Variants in SIL1 observed in about 807,000 individuals in gnomAD.
SIL1 encodes SIL1 nucleotide exchange factor.
SIL1 carries 40 observed loss-of-function variants against 49.1 expected under a neutral mutation model. The ratio of observed to expected loss-of-function variants is 0.81; its 90% CI spans 0.63 to 1.06. The LOEUF is 1.06. Among genes scored for constraint, SIL1 ranks in the 50% least tolerant of loss-of-function variants. The pLI is 0.00. For missense variants in SIL1, 500 were observed against 572.6 expected (o/e 0.87, Z 1.29); for synonymous variants, 253 against 250.8 (o/e 1.01, Z -0.08).
At chr5:139,118,000 T>C (rs1053075649) in intron 3 of SIL1, among the ~76,000 whole-genome samples, 3 of 152,156 alleles carry the variant, frequency 2.0e-5, no homozygotes, top group Non-Finnish European at 4.4e-5. Flanking sequence ...ACAACACAGC[T>C]GTGGTCCTCC....
At chr5:139,192,328 C>T (rs1365876147) in intron 1 of SIL1, among the ~76,000 whole-genome samples, 1 of 152,068 alleles carries the variant, frequency 6.6e-6, no homozygotes, top group African/African-American at 2.4e-5. Context: ...CATCACAAGA[C>T]TGAAGAAGCA....
intron 3 of SIL1, among the ~76,000 whole-genome samples, chr5:139,105,227 G>A (rs1770674564): frequency 6.6e-6 from 1 of 152,166 alleles, no homozygotes; most frequent in South Asian, 2.1e-4. Flanking sequence ...TGTGGGGAAG[G>A]TGGTGGTCGG....
Position 138,955,412 on chromosome 5 carries a change from A to G in SIL1, c.768-3528T>C, listed in dbSNP as rs532333325. Among the ~76,000 whole-genome samples the G allele has an allele frequency of 2.0e-5, 3 of 152,168 alleles. No homozygotes were observed. In the East Asian group the frequency reaches 5.8e-4, roughly 29 times the overall value. On this transcript the variant is annotated intron_variant, in intron 7 of 9. Transcript: ENST00000394817. ...GCTACTCTGTAAATCTTGCAGGGAG[A>G]TGGGCTGGGGGTGGGGCAGGCTGCA...
intron 1 of SIL1, among the ~76,000 whole-genome samples, chr5:139,136,546 A>G (rs111480526): frequency 2.0e-5 from 3 of 152,006 alleles, no homozygotes; most frequent in African/African-American, 7.2e-5. Flanking sequence ...GAGCAGCCAC[A>G]TGATTAGTGC....
At chr5:139,087,342 G>C (rs1048048694) in intron 3 of SIL1, among the ~76,000 whole-genome samples, 5 of 152,176 alleles carry the variant, frequency 3.3e-5, no homozygotes, top group African/African-American at 9.7e-5. Context: ...AGAAATGATA[G>C]GTGCCATGAG....
At chr5:139,056,547 G>T (rs1278854782) in intron 3 of SIL1, among the ~76,000 whole-genome samples, 4 of 149,514 alleles carry the variant, frequency 2.7e-5, no homozygotes, top group African/African-American at 7.4e-5. Flanking sequence ...GGAGGGAGGT[G>T]GGGGGGTCAG....
intron 1 of SIL1, among the ~76,000 whole-genome samples, chr5:139,178,466 C>A (rs1751925858): frequency 6.6e-6 from 1 of 152,092 alleles, no homozygotes; most frequent in Non-Finnish European, 1.5e-5. Context: ...CCCTCACCAA[C>A]CCCTCCAACC....
At chr5:139,158,074 G>A (rs763016641) in intron 1 of SIL1, among the ~76,000 whole-genome samples, 9 of 152,030 alleles carry the variant, frequency 5.9e-5, no homozygotes, top group African/African-American at 2.2e-4. Flanking sequence ...ACAATCCTTC[G>A]TCATAGGAAC....
intron 2 of SIL1, 103 bp from the exon 3 acceptor site, chr5:139,121,276 C>G: frequency 6.8e-7 from 1 of 1,480,952 alleles, no homozygotes; most frequent in Non-Finnish European, 9.3e-7. Context: ...ATGCCCCTCT[C>G]CCCCACAGCC....
intron 3 of SIL1, among the ~76,000 whole-genome samples, chr5:139,116,407 G>C (rs1770990429): frequency 6.6e-6 from 1 of 152,050 alleles, no homozygotes; most frequent in African/African-American, 2.4e-5. Context: ...CAATATTTCA[G>C]AGACTCTCAC....
chr5:138,981,859 TCAC>T (rs751818395), intron 7 of SIL1, among the ~76,000 whole-genome samples: 1 of 152,102 alleles, frequency 6.6e-6, no homozygotes, highest in Non-Finnish European at 1.5e-5. Flanking sequence ...TCAGCATTTA[TCAC>T]CACTTGGCAC....
At chr5:139,034,974 G>A (rs1287782156) in intron 5 of SIL1, among the ~76,000 whole-genome samples, 1 of 152,184 alleles carries the variant, frequency 6.6e-6, no homozygotes, top group Non-Finnish European at 1.5e-5. Flanking sequence ...GTTGGTGTGA[G>A]ATGGTATCTC....
At chr5:139,097,832 A>G (rs1196587598) in intron 3 of SIL1, among the ~76,000 whole-genome samples, 2 of 152,186 alleles carry the variant, frequency 1.3e-5, no homozygotes, top group African/African-American at 4.8e-5. Context: ...AAAGAAATTT[A>G]AAAAGTAATC....
At chr5:139,162,610 T>G (rs1359270710) in intron 1 of SIL1, among the ~76,000 whole-genome samples, 1 of 152,212 alleles carries the variant, frequency 6.6e-6, no homozygotes, top group Non-Finnish European at 1.5e-5. Flanking sequence ...TACATTTATT[T>G]AAGGAACAAA....
chr5:138,975,657 T>G (rs1039441783), intron 7 of SIL1, among the ~76,000 whole-genome samples: 13 of 152,138 alleles, frequency 8.5e-5, no homozygotes, highest in African/African-American at 3.1e-4. Context: ...GAGGAAGTGA[T>G]GATGTCGAAT....
chr5:139,195,019 G>A (rs1199522971), intron 1 of SIL1, among the ~76,000 whole-genome samples: 2 of 147,418 alleles, frequency 1.4e-5, no homozygotes, highest in African/African-American at 5.0e-5. Context: ...TGCAACCTCC[G>A]CCTCCCGAGT....
intron 6 of SIL1, chr5:139,021,751 GC>G (rs1229035227): frequency 4.7e-6 from 1 of 213,554 alleles, no homozygotes; most frequent in African/African-American, 2.3e-5. Flanking sequence ...TATAAAAGGA[GC>G]CCTGTTATTG....
intron 7 of SIL1, among the ~76,000 whole-genome samples, chr5:138,963,356 A>G (rs1166897794): frequency 6.6e-6 from 1 of 152,182 alleles, no homozygotes; most frequent in Non-Finnish European, 1.5e-5. Flanking sequence ...AACTTGATAA[A>G]CATGATAAAT....
chr5:139,184,435 G>T (rs906352728), intron 1 of SIL1, among the ~76,000 whole-genome samples: 1 of 152,152 alleles, frequency 6.6e-6, no homozygotes, highest in African/African-American at 2.4e-5. Context: ...CACTTTGGGA[G>T]GTCAAGGTGG....
Sources: allele counts gnomAD v4.1 joint callset (sites outside exome capture counted in the v4.1 genomes callset), GRCh38; gene constraint gnomAD v4.1.1; transcripts MANE v1.5; gene names NCBI Gene and HGNC (gene_info 2026-07-23, HGNC 2026-07-21).